STK32B: variants seen among roughly 807,000 people sequenced by gnomAD.
STK32B encodes serine/threonine-protein kinase 32B.
In STK32B, 43 loss-of-function variants were observed where a neutral mutation model predicts 52.6. That is an observed-to-expected ratio of 0.82 (90% confidence interval 0.64 to 1.05). The LOEUF is 1.05. Ranked by LOEUF, STK32B falls within the 50% of genes least tolerant of loss-of-function variation. STK32B has a pLI of 0.00. For synonymous variants in STK32B, 238 were observed against 204.3 expected, an observed-to-expected ratio of 1.17 and a Z score of -1.41; for missense variants, 621 against 534.6, an observed-to-expected ratio of 1.16 and a Z score of -1.59.
intron 2 of STK32B, among the ~76,000 whole-genome samples, chr4:5,164,028 C>A (rs1489094719): frequency 6.6e-6 from 1 of 152,220 alleles, no homozygotes; most frequent in Non-Finnish European, 1.5e-5. Flanking sequence ...AGACCCATTT[C>A]ACAGTAGAGG....
intron 5 of STK32B, among the ~76,000 whole-genome samples, chr4:5,406,967 G>A (rs1185563277): frequency 1.3e-5 from 2 of 152,014 alleles, no homozygotes; most frequent in African/African-American, 2.4e-5. Flanking sequence ...CTACCACATG[G>A]CCAGGCTGCA....
chr4:5,182,660 T>C lies in STK32B; in HGVS notation c.260+14210T>C, dbSNP rs141609129. Among the ~76,000 whole-genome samples, 1,009 of 152,232 alleles carry C rather than the reference T, an allele frequency of 6.6e-3. 10 individuals carry two copies. Among genetic ancestry groups the C allele is most frequent in the African/African-American group, 0.022 (934 of 41,534 alleles). On this transcript the variant is annotated intron_variant, in intron 3 of 11. Coordinates refer to ENST00000282908, the MANE Select transcript of STK32B (RefSeq NM_018401.3). ...TTTTAGTAGAGATGGGGTTTCACCA[T>C]GTTGGCCAGGCTGGTCTCGAACTCC...
chr4:5,489,373 T>A (rs960969689), intron 11 of STK32B, among the ~76,000 whole-genome samples: 3 of 152,228 alleles, frequency 2.0e-5, no homozygotes, highest in African/African-American at 7.2e-5. Context: ...CATGGTTTCC[T>A]GTCCATAACT....
At chr4:5,317,051 A>G (rs867218428) in intron 3 of STK32B, among the ~76,000 whole-genome samples, 4 of 35,888 alleles carry the variant, frequency 1.1e-4, no homozygotes, top group East Asian at 1.5e-3. Flanking sequence ...TTATATATAT[A>G]ATATATATGA....
In STK32B at chr4:5,228,440, G is replaced by T. The variant is rs140151964; in HGVS notation, c.260+59990G>T. Among the ~76,000 whole-genome samples, 620 of 152,308 alleles carry T rather than the reference G, an allele frequency of 4.1e-3. 6 individuals are homozygous for T. Among genetic ancestry groups the T allele is most frequent in the African/African-American group, 0.014 (589 of 41,558 alleles). Reference sequence around the variant, plus strand: ...TTCATCAGCCTCAGCCACCCTTTGAGCTTCGTCAGCCAGTGCAATGGATAG... The same window carrying T: ...TTCATCAGCCTCAGCCACCCTTTGATCTTCGTCAGCCAGTGCAATGGATAG... On this transcript the variant is annotated intron_variant, in intron 3 of 11. Transcript: ENST00000282908.
intron 3 of STK32B, among the ~76,000 whole-genome samples, chr4:5,320,540 A>C (rs1731419220): frequency 6.6e-6 from 1 of 152,222 alleles, no homozygotes. Flanking sequence ...TAACATTTTT[A>C]ACAATGTGAT....
At chr4:5,026,045 A>C in the STK32B span, among the ~76,000 whole-genome samples, 5 of 152,228 alleles carry the variant, frequency 3.3e-5, no homozygotes, top group Admixed American at 3.3e-4. Context: ...TGCAGACCTT[A>C]TCCCAGCAGC....
At chr4:5,197,351 T>C (rs1721762460) in intron 3 of STK32B, among the ~76,000 whole-genome samples, 1 of 152,202 alleles carries the variant, frequency 6.6e-6, no homozygotes, top group Admixed American at 6.5e-5. Context: ...ATGACTTGGT[T>C]GACTGATGGT....
chr4:5,298,849 A>C (rs1729375432), intron 3 of STK32B, among the ~76,000 whole-genome samples: 1 of 151,790 alleles, frequency 6.6e-6, no homozygotes, highest in Non-Finnish European at 1.5e-5. Flanking sequence ...AAAAAAAAAA[A>C]AACTCCTGCA....
At chr4:5,294,509 T>G (rs751849803) in intron 3 of STK32B, among the ~76,000 whole-genome samples, 1 of 152,060 alleles carries the variant, frequency 6.6e-6, no homozygotes, top group Non-Finnish European at 1.5e-5. Flanking sequence ...AGTTGTATTC[T>G]TAGGTATTTT....
intron 4 of STK32B, among the ~76,000 whole-genome samples, chr4:5,348,342 G>T (rs556844494): frequency 8.5e-5 from 13 of 152,248 alleles, no homozygotes; most frequent in African/African-American, 3.1e-4. Context: ...CTAAGCAGCT[G>T]CAGCAGGCTG....
intron 3 of STK32B, among the ~76,000 whole-genome samples, chr4:5,253,990 T>A (rs1726128556): frequency 6.6e-6 from 1 of 152,132 alleles, no homozygotes; most frequent in African/African-American, 2.4e-5. Flanking sequence ...TCTCACCATG[T>A]TGGCCAGGCT....
At chr4:5,133,360 C>G (rs1309789965) in intron 1 of STK32B, among the ~76,000 whole-genome samples, 1 of 152,212 alleles carries the variant, frequency 6.6e-6, no homozygotes, top group African/African-American at 2.4e-5. Flanking sequence ...ACAGCTTGGT[C>G]AGCCCCCTTT....
chr4:5,242,915 C>T (rs1725144386), intron 3 of STK32B, among the ~76,000 whole-genome samples: 1 of 152,168 alleles, frequency 6.6e-6, no homozygotes, highest in Admixed American at 6.5e-5. Flanking sequence ...TCTGAGGCCT[C>T]TGTTGTGTTC....
At chr4:5,221,328 C>T (rs2108796577) in intron 3 of STK32B, among the ~76,000 whole-genome samples, 1 of 152,206 alleles carries the variant, frequency 6.6e-6, no homozygotes, top group South Asian at 2.1e-4. Context: ...GGCACGCATT[C>T]CTGAGATGTC....
At chr4:5,126,663 G>A (rs758846489) in intron 1 of STK32B, among the ~76,000 whole-genome samples, 2 of 152,236 alleles carry the variant, frequency 1.3e-5, no homozygotes, top group Non-Finnish European at 2.9e-5. Context: ...AGCGCCAGGT[G>A]AGATAGCTTT....
At chr4:5,187,589 T>G (rs1720841410) in intron 3 of STK32B, among the ~76,000 whole-genome samples, 1 of 111,884 alleles carries the variant, frequency 8.9e-6, no homozygotes. Flanking sequence ...CAGGATGGGG[T>G]GTGTCGGGGC....
At chr4:5,365,389 T>C (rs1024611118) in intron 4 of STK32B, among the ~76,000 whole-genome samples, 2 of 152,206 alleles carry the variant, frequency 1.3e-5, no homozygotes, top group African/African-American at 2.4e-5. Context: ...TGGCACACAG[T>C]AGGTTCTTGG....
chr4:5,173,395 T>C (rs1028366523), intron 3 of STK32B, among the ~76,000 whole-genome samples: 2 of 152,120 alleles, frequency 1.3e-5, no homozygotes, highest in African/African-American at 2.4e-5. Flanking sequence ...ATTGTGATGT[T>C]AGCGTGTCAA....
Sources: allele counts gnomAD v4.1 joint callset (sites outside exome capture counted in the v4.1 genomes callset), GRCh38; gene constraint gnomAD v4.1.1; transcripts MANE v1.5; gene names NCBI Gene and HGNC (gene_info 2026-07-23, HGNC 2026-07-21).